Variants in CPB2 observed in about 807,000 individuals in gnomAD.
The protein encoded by CPB2 is carboxypeptidase B-like protein.
In CPB2, 54 loss-of-function variants were observed where a neutral mutation model predicts 57.0. The observed-to-expected ratio is 0.95, with a 90% CI of 0.76 to 1.19. The LOEUF (loss-of-function observed/expected upper bound fraction) is 1.19, where lower values mean the gene tolerates loss of function less well. Among genes scored for constraint, CPB2 ranks in the 50% most tolerant of loss-of-function variants. The pLI, the probability that CPB2 is intolerant of heterozygous loss-of-function variation, is 0.00. For synonymous variants in CPB2, 189 were observed against 178.1 expected (o/e 1.06, Z -0.49); for missense variants, 426 against 512.0 (o/e 0.83, Z 1.62).
chr13:46,075,128 A>C (rs1008239205), intron 5 of CPB2, among the ~76,000 whole-genome samples: 1 of 152,170 alleles, frequency 6.6e-6, no homozygotes, highest in African/African-American at 2.4e-5. Context: ...AAAAAGAAAG[A>C]GTTAGATATT....
chr13:46,078,889 T>C lies in CPB2; in HGVS notation c.397A>G (p.Ile133Val), dbSNP rs1273802380. 5 of 1,605,394 alleles carry C rather than the reference T, an allele frequency of 3.1e-6. No homozygotes were observed. In the African/African-American group the frequency reaches 4.0e-5, roughly 13 times the overall value. Residue 133 changes from isoleucine to valine, a missense_variant, in exon 5 of 11, where the codon ATA becomes GTA. Ile to Val is a conservative substitution (Grantham distance 29). Coordinates refer to ENST00000181383, the MANE Select transcript of CPB2 (RefSeq NM_001872.5). ...YHSLNEIYSW[I>V]EFITERHPDM... ...GGATGCCTCTCAGTTATAAATTCTA[T>C]CCAAGAATAGATCTAGCAAAATGGA...
intron 6 of CPB2, among the ~76,000 whole-genome samples, chr13:46,069,757 T>C (rs2044910328): frequency 6.6e-6 from 1 of 152,238 alleles, no homozygotes; most frequent in Non-Finnish European, 1.5e-5. Flanking sequence ...GATGGAAATT[T>C]GAGTTGTTTC....
chr13:46,079,549 AAAAAAAG>A (rs1183195871), intron 4 of CPB2, among the ~76,000 whole-genome samples: 1,539 of 146,998 alleles, frequency 0.01, 11 homozygotes, highest in African/African-American at 0.036. Flanking sequence ...AAAAAAAAAA[AAAAAAAG>A]AAAAGAAAAG....
At chr13:46,054,424 G>A (rs574242557) in intron 10 of CPB2, among the ~76,000 whole-genome samples, 2 of 151,934 alleles carry the variant, frequency 1.3e-5, no homozygotes, top group Non-Finnish European at 2.9e-5. Flanking sequence ...TTTCAACTTG[G>A]TTTATGCAGG....
intron 6 of CPB2, among the ~76,000 whole-genome samples, chr13:46,072,275 C>A (rs1376328414): frequency 6.6e-6 from 1 of 152,004 alleles, no homozygotes; most frequent in Non-Finnish European, 1.5e-5. Context: ...TTTTAATTTG[C>A]CTTTGGGTGG....
chr13:46,090,553 G>T (rs371369469), intron 1 of CPB2, among the ~76,000 whole-genome samples: 2 of 150,494 alleles, frequency 1.3e-5, no homozygotes, highest in East Asian at 4.0e-4. Context: ...TAGTAGAGAC[G>T]TGGTTTCACC....
chr13:46,082,358 T>C (rs917285078), intron 4 of CPB2, 83 bp downstream of exon 4: 1 of 765,728 alleles, frequency 1.3e-6, no homozygotes, highest in South Asian at 2.3e-5. Flanking sequence ...CCACCAATTA[T>C]GATTCTTGAA....
At chr13:46,074,531 A>G (rs979042762) in intron 5 of CPB2, among the ~76,000 whole-genome samples, 6 of 152,174 alleles carry the variant, frequency 3.9e-5, no homozygotes, top group African/African-American at 1.4e-4. Context: ...TTTTCCCAGT[A>G]TGGTGGGCTA....
intron 1 of CPB2, 108 bp downstream of exon 1, chr13:46,104,828 T>G (rs2045474400): frequency 2.2e-6 from 3 of 1,341,276 alleles, no homozygotes; most frequent in Non-Finnish European, 3.1e-6. Context: ...AGACCTGGCC[T>G]TCAAAGTTTA....
intron 6 of CPB2, among the ~76,000 whole-genome samples, chr13:46,069,992 T>G (rs2044914634): frequency 6.6e-6 from 1 of 152,206 alleles, no homozygotes; most frequent in Non-Finnish European, 1.5e-5. Context: ...GCAAGTAACA[T>G]AACTGAAATC....
At chr13:46,082,010 A>G (rs1178868858) in intron 4 of CPB2, among the ~76,000 whole-genome samples, 1 of 152,232 alleles carries the variant, frequency 6.6e-6, no homozygotes, top group Non-Finnish European at 1.5e-5. Flanking sequence ...ATAAAATGCA[A>G]TTAGTTATAG....
intron 10 of CPB2, among the ~76,000 whole-genome samples, chr13:46,055,074 TA>T (rs68147896): frequency 0.74 from 105,441 of 142,242 alleles, 38,817 homozygotes; most frequent in African/African-American, 0.81. Flanking sequence ...TTCTAATCAT[TA>T]AAAAAAAAAA....
intron 6 of CPB2, chr13:46,073,547 A>ACTTAG: frequency 1.5e-6 from 1 of 678,502 alleles, no homozygotes; most frequent in Middle Eastern, 7.3e-4. Flanking sequence ...TTGGGCCCCA[A>ACTTAG]CTTAGATAAC....
chr13:46,059,888 G>A (rs1361623290), intron 8 of CPB2, among the ~76,000 whole-genome samples: 1 of 152,180 alleles, frequency 6.6e-6, no homozygotes, highest in Non-Finnish European at 1.5e-5. Context: ...GAGAGGAAAT[G>A]TGAACATCTA....
chr13:46,064,547 GAC>G, intron 8 of CPB2, 99 bp downstream of exon 8: 1 of 908,998 alleles, frequency 1.1e-6, no homozygotes, highest in African/African-American at 1.7e-5. Flanking sequence ...CCCTGATTCA[GAC>G]AGGCCAGCTC....
intron 9 of CPB2, among the ~76,000 whole-genome samples, chr13:46,057,286 T>C (rs567430645): frequency 1.3e-5 from 2 of 152,312 alleles, no homozygotes; most frequent in African/African-American, 4.8e-5. Context: ...AAAGCTCAAG[T>C]ATCAAGTACA....
chr13:46,084,401 A>T (rs1334686516), intron 2 of CPB2, 58 bp from the exon 3 acceptor site: 1 of 1,587,196 alleles, frequency 6.3e-7, no homozygotes, highest in African/African-American at 1.3e-5. Context: ...CATCATTCTC[A>T]TCTGTAGCTA....
intron 1 of CPB2, among the ~76,000 whole-genome samples, chr13:46,104,260 A>G (rs1167945346): frequency 6.6e-6 from 1 of 152,242 alleles, no homozygotes; most frequent in Admixed American, 6.5e-5. Context: ...AAAATAAGAT[A>G]ATTCCAAAGG....
chr13:46,096,856 C>T (rs2404965), intron 1 of CPB2, among the ~76,000 whole-genome samples: 5 of 152,022 alleles, frequency 3.3e-5, no homozygotes, highest in African/African-American at 1.2e-4. Flanking sequence ...AGAGGGAAAT[C>T]GTCCCAAATA....
Sources: gnomAD v4.1 joint callset for allele counts (sites outside exome capture counted in the v4.1 genomes callset) on GRCh38, gnomAD v4.1.1 for gene constraint, MANE v1.5 for transcripts, NCBI Gene and HGNC (gene_info 2026-07-23, HGNC 2026-07-21) for gene names.